The following MYO5A variants were observed in gnomAD, a reference collection of about 807,000 sequenced individuals.
MYO5A encodes the protein myosin VA, also known as unconventional myosin-Va.
MYO5A carries 98 observed loss-of-function variants against 249.7 expected under a neutral mutation model. That is an observed-to-expected ratio of 0.39 (90% CI 0.33 to 0.46). MYO5A has a LOEUF of 0.46. Ranked by LOEUF, MYO5A falls within the 20% of genes least tolerant of loss-of-function variation. The pLI is 0.98. For synonymous variants in MYO5A, 778 were observed against 810.6 expected (o/e 0.96, Z 0.68); for missense variants, 1,696 against 2,308.8 (o/e 0.73, Z 5.44).
intron 30 of MYO5A, among the ~76,000 whole-genome samples, chr15:52,343,828 C>G (rs1036068306): frequency 2.0e-5 from 3 of 152,164 alleles, no homozygotes; most frequent in Non-Finnish European, 4.4e-5. Context: ...TGTATCACAT[C>G]TTATTAAAAA....
At chr15:52,404,196 C>A (rs534554613) in intron 9 of MYO5A, among the ~76,000 whole-genome samples, 37 of 139,180 alleles carry the variant, frequency 2.7e-4, no homozygotes, top group Non-Finnish European at 5.0e-4. Flanking sequence ...ACCCAGGAGG[C>A]GGAGGTTGCA....
chr15:52,357,971 A>G (rs535315615), intron 25 of MYO5A, among the ~76,000 whole-genome samples: 2 of 152,340 alleles, frequency 1.3e-5, no homozygotes, highest in South Asian at 4.1e-4. Flanking sequence ...AATAACTCCT[A>G]ATGATAGCTG....
chr15:52,385,656 C>G lies in MYO5A; in HGVS notation c.1753-1334G>C, dbSNP rs1489945961. ...CAAAACACATAAATACACAAACATA[C>G]TCCACACTGTATTACTACAAAAATA... On this transcript the variant is annotated intron_variant, in intron 14 of 41. Coordinates refer to ENST00000399233, the MANE Select transcript of MYO5A (RefSeq NM_001382347.1). Among the ~76,000 whole-genome samples the G allele has an allele frequency of 3.3e-5, 5 of 151,994 alleles. No individual in the cohort carries two copies. In the East Asian group the frequency reaches 9.6e-4, roughly 29 times the overall value.
At chr15:52,353,197 T>C (rs567391779) in intron 27 of MYO5A, among the ~76,000 whole-genome samples, 1 of 152,366 alleles carries the variant, frequency 6.6e-6, no homozygotes, top group East Asian at 1.9e-4. Flanking sequence ...ACTAATCTAA[T>C]ACTTTGTGAA....
At chr15:52,448,365 T>C (rs2075939556) in intron 1 of MYO5A, among the ~76,000 whole-genome samples, 1 of 152,200 alleles carries the variant, frequency 6.6e-6, no homozygotes, top group African/African-American at 2.4e-5. Context: ...TTTCTCCCAT[T>C]TGGAAAGGGA....
At chr15:52,383,030 G>T in intron 16 of MYO5A, 61 bp downstream of exon 16, 1 of 1,378,982 alleles carries the variant, frequency 7.3e-7, no homozygotes, top group Non-Finnish European at 1.0e-6. Context: ...AGTTTGCTTG[G>T]CTGGTTTGGC....
Position 52,353,563 on chromosome 15 carries a change from A to G in MYO5A, c.3621+42T>C, listed in dbSNP as rs567330381. 5.7e-6 allele frequency: 9 copies of G among 1,591,764 alleles called. No homozygotes were observed. The East Asian group carries it at 2.0e-4, about 36-fold the overall frequency. ...AGAGGCTCTGAATGGGCCTCTTGCC[A>G]AAACAAAATATTCAAAGTCTTGAGC... is the stretch of plus-strand genomic sequence containing the variant. On this transcript the variant is annotated intron_variant, in intron 27 of 41. Transcript: ENST00000399233.
intron 1 of MYO5A, among the ~76,000 whole-genome samples, chr15:52,523,196 T>C (rs1310650594): frequency 6.6e-6 from 1 of 152,176 alleles, no homozygotes; most frequent in Non-Finnish European, 1.5e-5. Context: ...CTCTCGGATT[T>C]ATCCTCTTCT....
At chr15:52,435,265 CTT>C (rs35456308) in intron 1 of MYO5A, among the ~76,000 whole-genome samples, 5 of 113,738 alleles carry the variant, frequency 4.4e-5, no homozygotes, top group Middle Eastern at 5.6e-3. Context: ...ACGTTAACCT[CTT>C]TTTTTTTTTT....
intron 11 of MYO5A, among the ~76,000 whole-genome samples, chr15:52,393,981 C>G (rs890334559): frequency 6.6e-6 from 1 of 152,232 alleles, no homozygotes; most frequent in African/African-American, 2.4e-5. Context: ...TACTCACACA[C>G]ATCTCCATGT....
intron 27 of MYO5A, among the ~76,000 whole-genome samples, chr15:52,352,870 T>C (rs1271898791): frequency 6.6e-6 from 1 of 152,198 alleles, no homozygotes; most frequent in African/African-American, 2.4e-5. Flanking sequence ...TTTCATGAAT[T>C]AATCTATTCT....
chr15:52,481,735 G>C (rs898966805), intron 1 of MYO5A, among the ~76,000 whole-genome samples: 2 of 152,144 alleles, frequency 1.3e-5, no homozygotes, highest in African/African-American at 4.8e-5. Context: ...TACACATGAG[G>C]AATAACAAGT....
chr15:52,463,149 G>A lies in MYO5A; in HGVS notation c.28-29864C>T, dbSNP rs192269745. ...AGTGACAGGTACTCCAACTGTATAC[G>A]CTGAGAGGGTATTTTGAGAGAAAAA... On this transcript the variant is annotated intron_variant, in intron 1 of 41. Transcript: ENST00000399233. Among the ~76,000 whole-genome samples the A allele has an allele frequency of 3.9e-5, 6 of 152,238 alleles. No homozygotes were observed. The East Asian group carries it at 5.8e-4, about 15-fold the overall frequency.
intron 1 of MYO5A, among the ~76,000 whole-genome samples, chr15:52,454,164 G>C (rs1255387988): frequency 1.3e-5 from 2 of 152,046 alleles, no homozygotes; most frequent in Non-Finnish European, 2.9e-5. Context: ...GTGAAGGGAT[G>C]GAAAGAGATA....
chr15:52,433,421 T>G (rs924172631), intron 1 of MYO5A, 136 bp from the exon 2 acceptor site: 1 of 474,830 alleles, frequency 2.1e-6, no homozygotes. Flanking sequence ...CACTTTTTTT[T>G]TTTTTTTTTT....
At chr15:52,411,092 G>C (rs2043228282) in intron 5 of MYO5A, among the ~76,000 whole-genome samples, 2 of 152,194 alleles carry the variant, frequency 1.3e-5, no homozygotes, top group Admixed American at 1.3e-4. Context: ...AGCAAAGAAA[G>C]AGAACAAACG....
rs1343705673 is a variant in MYO5A at position 52,317,028 on chromosome 15, A to T, written c.5409+20T>A. 22 of 1,606,930 alleles carry T rather than the reference A, an allele frequency of 1.4e-5. No individual in the cohort carries two copies. Among genetic ancestry groups the T allele is most frequent in the Non-Finnish European group, 1.7e-5 (20 of 1,173,472 alleles). On this transcript the variant is annotated intron_variant, in intron 40 of 41. Transcript: ENST00000399233. ...TTTGATGAATGTTAAATTATTTTGT[A>T]ACAGGGAAAGTTGCTCTACCTGGGC...
At chr15:52,314,291 C>A in intron 40 of MYO5A, 88 bp from the exon 41 acceptor site, 1 of 984,162 alleles carries the variant, frequency 1.0e-6, no homozygotes, top group Non-Finnish European at 1.6e-6. Context: ...AGGATCTGTG[C>A]GTACAGATTT....
chr15:52,396,377 T>C lies in MYO5A; in HGVS notation c.1340A>G (p.Asn447Ser). Residue 447 changes from asparagine to serine, a missense_variant, in exon 11 of 42, where the codon AAT becomes AGT. Around this residue, in one of 5 missense-constraint regions of MYO5A, gnomAD observed 277 missense variants for 422.4 expected, o/e 0.66. Coordinates refer to ENST00000399233, the MANE Select transcript of MYO5A (RefSeq NM_001382347.1). The part of the protein sequence containing the change: ...DIYGFETFEI[N>S]SFEQFCINYA... Reference sequence around the variant, plus strand: ...ATTTATGCAAAACTGTTCAAAACTATTTATCTCAAATGTTTCAAATCTGTA... The same window carrying C: ...ATTTATGCAAAACTGTTCAAAACTACTTATCTCAAATGTTTCAAATCTGTA... 1 of 1,566,422 alleles carries C rather than the reference T, an allele frequency of 6.4e-7. No individual in the cohort carries two copies. The highest frequency in any genetic ancestry group is 8.8e-7 in the Non-Finnish European group (1 of 1,140,112).
Sources: allele counts gnomAD v4.1 joint callset (sites outside exome capture counted in the v4.1 genomes callset), GRCh38; gene constraint gnomAD v4.1.1; regional missense constraint gnomAD v4.1.1; transcripts MANE v1.5; gene names NCBI Gene and HGNC (gene_info 2026-07-23, HGNC 2026-07-21).